The following ZNF207 variants were observed in gnomAD, a reference collection of about 807,000 sequenced individuals.
ZNF207 encodes BUB3-interacting and GLEBS motif-containing protein ZNF207.
A neutral mutation model predicts 60.2 loss-of-function variants in ZNF207; 24 were observed. That is an observed-to-expected ratio of 0.40 (90% CI 0.29 to 0.56). The LOEUF (loss-of-function observed/expected upper bound fraction) is 0.56, where lower values mean the gene tolerates loss of function less well. Ranked by LOEUF, ZNF207 falls within the 20% of genes least tolerant of loss-of-function variation. ZNF207 has a pLI of 0.49. For synonymous variants in ZNF207, 236 were observed against 194.7 expected (o/e 1.21, Z -1.77); for missense variants, 452 against 636.6 (o/e 0.71, Z 3.12).
rs1905720309 is a variant in ZNF207 at position 32,377,582 on chromosome 17, T to C, written c.*7823T>C. 1 of 152,034 alleles carries C rather than the reference T, an allele frequency of 6.6e-6. No homozygotes were observed. Among genetic ancestry groups the C allele is most frequent in the Non-Finnish European group, 1.5e-5 (1 of 67,890 alleles). The allele number at this position is 152,034 out of a possible 1,614,324, so 9.4% of individuals were successfully genotyped here. ...ATTAAAAACTTTTAAAAATTGCTTG[T>C]CTTTGGGGGTATGTCTACATATTCG... On this transcript the variant is annotated 3_prime_UTR_variant, in exon 12 of 12. Transcript: ENST00000394670.
chr17:32,363,396 C>G (rs1904994424), intron 7 of ZNF207, among the ~76,000 whole-genome samples: 1 of 151,750 alleles, frequency 6.6e-6, no homozygotes, highest in African/African-American at 2.4e-5. Flanking sequence ...CTGGCCCTTT[C>G]TTGAAGTTTG....
chr17:32,368,168 C>A, intron 10 of ZNF207, 154 bp downstream of exon 10: 1 of 1,083,384 alleles, frequency 9.2e-7, no homozygotes, highest in Non-Finnish European at 1.3e-6. Flanking sequence ...CTTAAGAAAT[C>A]ATAAAATACT....
In ZNF207 at chr17:32,369,905, T is replaced by C. The variant is rs1397174906; in HGVS notation, c.*146T>C. On this transcript the variant is annotated 3_prime_UTR_variant, in exon 12 of 12. Coordinates refer to ENST00000394670, the MANE Select transcript of ZNF207 (RefSeq NM_001098507.2). ...CATACCAGGAACTATTGGACATTTA[T>C]TTTACATGGGAAAAATTATTTGGAA... The C allele has an allele frequency of 1.1e-6, 1 of 933,624 alleles. No individual in the cohort carries two copies. The highest frequency in any genetic ancestry group is 1.4e-6 in the Non-Finnish European group (1 of 707,132). 57.8% of individuals were successfully genotyped at this position (933,624 alleles called of 1,614,324 possible). A position where few individuals can be genotyped will look rare whatever the true frequency, so the allele number is the denominator to read the frequency against.
At position 32,379,983 on chromosome 17, in the gene ZNF207, TAAAC is replaced by T. The variant is rs200157796; in HGVS notation, c.*10226_*10229del. 6.6e-6 allele frequency: 1 copy of T among 152,356 alleles called. No individual in the cohort carries two copies. Among genetic ancestry groups the T allele is most frequent in the East Asian group, 1.9e-4 (1 of 5,190 alleles). 9.4% of individuals were successfully genotyped at this position (152,356 alleles called of 1,614,324 possible). A position where few individuals can be genotyped will look rare whatever the true frequency, so the allele number is the denominator to read the frequency against. The stretch of plus-strand genomic sequence containing the variant: ...TCCTGTGATCTTTCTGAACCAATAA[TAAAC>T]AGTCAACTGTGATGCTTTTTAGTAT... On this transcript the variant is annotated 3_prime_UTR_variant, in exon 12 of 12. Coordinates refer to ENST00000394670, the MANE Select transcript of ZNF207 (RefSeq NM_001098507.2).
chr17:32,360,580 A>ATT lies in ZNF207; in HGVS notation c.308-7_308-6dup, dbSNP rs371637866. 15 of 1,171,466 alleles carry ATT rather than the reference A, an allele frequency of 1.3e-5. No homozygotes were observed. The highest frequency in any genetic ancestry group is 7.8e-5 in the African/African-American group (5 of 64,012). The allele number at this position is 1,171,466 out of a possible 1,614,324, so 72.6% of individuals were successfully genotyped here. On this transcript the variant is annotated splice_polypyrimidine_tract_variant and intron_variant, in intron 3 of 11. Coordinates refer to ENST00000394670, the MANE Select transcript of ZNF207 (RefSeq NM_001098507.2). ...TCTTAGTTTTTACTCTATGGAAATA[A>ATT]TTTTTTTTTTTTAACAGAAAGTCAA...
At chr17:32,369,251 C>G (rs1415000952) in intron 10 of ZNF207, 44 bp from the exon 11 acceptor site, 2 of 1,593,686 alleles carry the variant, frequency 1.3e-6, no homozygotes. Flanking sequence ...CTTGGTGAGC[C>G]TCTGCATTCG....
At position 32,376,496 on chromosome 17, in the gene ZNF207, A is replaced by C. The variant is rs948639794; in HGVS notation, c.*6737A>C. 2 of 152,088 alleles carry C rather than the reference A, an allele frequency of 1.3e-5. No individual in the cohort carries two copies. The highest frequency in any genetic ancestry group is 1.3e-4 in the Admixed American group (2 of 15,268). The allele number at this position is 152,088 out of a possible 1,614,324, so 9.4% of individuals were successfully genotyped here. A position where few individuals can be genotyped will look rare whatever the true frequency, so the allele number is the denominator to read the frequency against. On this transcript the variant is annotated 3_prime_UTR_variant, in exon 12 of 12. Coordinates refer to ENST00000394670, the MANE Select transcript of ZNF207 (RefSeq NM_001098507.2). Reference sequence around the variant, plus strand: ...TAAATTAGTTTGAGAAATCTGAATCATCTCTCTTTAAATCTGTTCAGTTAG... The same window carrying C: ...TAAATTAGTTTGAGAAATCTGAATCCTCTCTCTTTAAATCTGTTCAGTTAG...
chr17:32,366,816 A>T, intron 9 of ZNF207, 59 bp downstream of exon 9: 1 of 1,425,064 alleles, frequency 7.0e-7, no homozygotes, highest in Non-Finnish European at 9.4e-7. Flanking sequence ...AACCCTTTGG[A>T]CCCTACTTAA....
intron 6 of ZNF207, 106 bp downstream of exon 6, chr17:32,361,621 C>A: frequency 9.9e-7 from 1 of 1,006,296 alleles, no homozygotes; most frequent in Non-Finnish European, 1.4e-6. Flanking sequence ...AATTTTCTAA[C>A]CTTCCTCACT....
intron 2 of ZNF207, among the ~76,000 whole-genome samples, chr17:32,352,414 G>T (rs1192111490): frequency 1.3e-5 from 2 of 151,908 alleles, no homozygotes; most frequent in South Asian, 2.1e-4. Flanking sequence ...AACAAAACTG[G>T]CTTTTTATGT....
In ZNF207 at chr17:32,374,664, C is replaced by CT. The variant is rs1368431477; in HGVS notation, c.*4906dup. 6.6e-6 allele frequency: 1 copy of CT among 152,176 alleles called. No homozygotes were observed. The highest frequency in any genetic ancestry group is 1.5e-5 in the Non-Finnish European group (1 of 68,050). 9.4% of individuals were successfully genotyped at this position (152,176 alleles called of 1,614,324 possible). On this transcript the variant is annotated 3_prime_UTR_variant, in exon 12 of 12. Coordinates refer to ENST00000394670, the MANE Select transcript of ZNF207 (RefSeq NM_001098507.2). ...CCCTGTAAAGGTGGGAAGGTGGTGT[C>CT]TATGTGTGTGCTTGTGTATGTGGGG...
intron 6 of ZNF207, chr17:32,362,625 A>C: frequency 3.9e-6 from 1 of 257,778 alleles, no homozygotes; most frequent in Non-Finnish European, 7.3e-6. Flanking sequence ...CATATTTTAG[A>C]TGAGGCCTCT....
chr17:32,350,219 G>A lies in ZNF207; in HGVS notation c.-67G>A. Reference sequence around the variant, plus strand: ...GGTAGCCGTTGGGTTGGGAAAGTGAGGGATTTTTGGCCTCGTTTCTCCTGC... The same window carrying A: ...GGTAGCCGTTGGGTTGGGAAAGTGAAGGATTTTTGGCCTCGTTTCTCCTGC... On this transcript the variant is annotated 5_prime_UTR_variant, in exon 1 of 12. Coordinates refer to ENST00000394670, the MANE Select transcript of ZNF207 (RefSeq NM_001098507.2). 1.2e-6 allele frequency: 2 copies of A among 1,609,574 alleles called. No homozygotes were observed. Among genetic ancestry groups the A allele is most frequent in the South Asian group, 1.1e-5 (1 of 90,980 alleles).
intron 3 of ZNF207, among the ~76,000 whole-genome samples, chr17:32,359,585 C>T (rs1173771008): frequency 6.6e-6 from 1 of 151,622 alleles, no homozygotes; most frequent in African/African-American, 2.4e-5. Context: ...TCACTTAAGC[C>T]CAGAGTTAGT....
chr17:32,364,323 C>G (rs1905055123), intron 7 of ZNF207, among the ~76,000 whole-genome samples: 1 of 150,778 alleles, frequency 6.6e-6, no homozygotes, highest in South Asian at 2.1e-4. Context: ...GGTTGGCCAG[C>G]AAGATGTGCC....
At position 32,379,942 on chromosome 17, in the gene ZNF207, T is replaced by C. The variant is rs1905819121; in HGVS notation, c.*10183T>C. 6.6e-6 allele frequency: 1 copy of C among 152,210 alleles called. No homozygotes were observed. Among genetic ancestry groups the C allele is most frequent in the Non-Finnish European group, 1.5e-5 (1 of 68,032 alleles). 9.4% of individuals were successfully genotyped at this position (152,210 alleles called of 1,614,324 possible). On this transcript the variant is annotated 3_prime_UTR_variant, in exon 12 of 12. Transcript: ENST00000394670. ...AAAACCAGCATATGCTAAGAATGTTTTTACATTCTGTTTCCTCCTGTGATC... is the reference window on the plus strand; with the variant it reads ...AAAACCAGCATATGCTAAGAATGTTCTTACATTCTGTTTCCTCCTGTGATC...
In ZNF207 at chr17:32,362,131, AGTGTG is replaced by A. The variant is rs1048240415; in HGVS notation, c.599+617_599+621del. 4.8e-3 allele frequency among the ~76,000 whole-genome samples: 707 copies of A among 146,016 alleles called. 7 individuals carry two copies. Among genetic ancestry groups the A allele is most frequent in the African/African-American group, 0.016 (620 of 39,504 alleles). ...GTATTTCCTTTCTCTAAAAAAAAAA[AGTGTG>A]TGTGTGTGTGTGTGTGTGTGTATAT... On this transcript the variant is annotated intron_variant, in intron 6 of 11. Coordinates refer to ENST00000394670, the MANE Select transcript of ZNF207 (RefSeq NM_001098507.2).
rs1905676365 is a variant in ZNF207 at position 32,376,400 on chromosome 17, C to T, written c.*6641C>T. On this transcript the variant is annotated 3_prime_UTR_variant, in exon 12 of 12. Coordinates refer to ENST00000394670, the MANE Select transcript of ZNF207 (RefSeq NM_001098507.2). ...TATTTTTCTTGCTCTTGGCTCTATA[C>T]ATTTTTGCATAATATTTTAGTCTTG... 6.6e-6 allele frequency: 1 copy of T among 151,954 alleles called. No homozygotes were observed. The highest frequency in any genetic ancestry group is 2.1e-4 in the South Asian group (1 of 4,828). 9.4% of individuals were successfully genotyped at this position (151,954 alleles called of 1,614,324 possible). A position where few individuals can be genotyped will look rare whatever the true frequency, so the allele number is the denominator to read the frequency against.
Position 32,373,659 on chromosome 17 carries a change from A to G in ZNF207, c.*3900A>G, listed in dbSNP as rs959570362. On this transcript the variant is annotated 3_prime_UTR_variant, in exon 12 of 12. Transcript: ENST00000394670. ...AATAAACATAAGTATTTCATATGCA[A>G]TTTTATGTAATTTGCTGTGTGTTAC... is the stretch of plus-strand genomic sequence containing the variant. 8.1e-6 allele frequency: 3 copies of G among 370,948 alleles called. No homozygotes were observed. The highest frequency in any genetic ancestry group is 1.4e-4 in the South Asian group (1 of 6,920). The allele number at this position is 370,948 out of a possible 1,614,324, so 23.0% of individuals were successfully genotyped here.
Sources: gnomAD v4.1 joint callset for allele counts (sites outside exome capture counted in the v4.1 genomes callset) on GRCh38, gnomAD v4.1.1 for gene constraint, MANE v1.5 for transcripts, NCBI Gene and HGNC (gene_info 2026-07-23, HGNC 2026-07-21) for gene names.